Variants in CACNA1A observed in about 807,000 individuals in gnomAD.
CACNA1A encodes voltage-dependent P/Q-type calcium channel subunit alpha-1A.
CACNA1A carries 57 observed loss-of-function variants against 262.4 expected under a neutral mutation model. The observed-to-expected ratio is 0.22, with a 90% confidence interval of 0.18 to 0.27. The LOEUF (loss-of-function observed/expected upper bound fraction) is 0.27. CACNA1A is among the 10% of genes least tolerant of loss of function. CACNA1A has a pLI of 1.00. For missense variants in CACNA1A, 2,526 were observed against 3,562.8 expected, an observed-to-expected ratio of 0.71 and a Z score of 7.41; for synonymous variants, 1,431 against 1,419.3, an observed-to-expected ratio of 1.01 and a Z score of -0.18.
chr19:13,365,296 C>T, intron 5 of CACNA1A, 21 bp downstream of exon 5: 1 of 1,593,554 alleles, frequency 6.3e-7, no homozygotes, highest in Non-Finnish European at 8.6e-7. Context: ...TGGAAAGATG[C>T]ATCATGCTCC....
intron 3 of CACNA1A, among the ~76,000 whole-genome samples, chr19:13,446,002 C>T (rs867275654): frequency 2.6e-5 from 4 of 152,144 alleles, no homozygotes; most frequent in South Asian, 2.1e-4. Context: ...AGGCCGGGCA[C>T]GGTGGCTCAT....
chr19:13,209,061 G>A (rs1265616673), intron 45 of CACNA1A, 52 bp from the exon 46 acceptor site: 2 of 1,535,552 alleles, frequency 1.3e-6, no homozygotes, highest in East Asian at 2.4e-5. Context: ...AGGGAGAGGT[G>A]GGGCAGATGC....
At chr19:13,358,265 T>C (rs1001885225) in intron 6 of CACNA1A, among the ~76,000 whole-genome samples, 1 of 152,046 alleles carries the variant, frequency 6.6e-6, no homozygotes, top group Admixed American at 6.5e-5. Flanking sequence ...GCTATGCAGC[T>C]GTGCAAAAGA....
At chr19:13,306,988 G>T (rs1449587280) in intron 15 of CACNA1A, among the ~76,000 whole-genome samples, 1 of 151,852 alleles carries the variant, frequency 6.6e-6, no homozygotes, top group Non-Finnish European at 1.5e-5. Flanking sequence ...TTTGAGACAG[G>T]GCTTTGCTCT....
chr19:13,268,434 AT>A (rs5827184), intron 24 of CACNA1A, among the ~76,000 whole-genome samples: 80,156 of 135,890 alleles, frequency 0.59, 22,501 homozygotes, highest in Admixed American at 0.65. Context: ...GAAGTTAGTG[AT>A]TTTTTTTTTT....
intron 5 of CACNA1A, among the ~76,000 whole-genome samples, chr19:13,361,790 A>G (rs537284986): frequency 6.6e-6 from 1 of 152,338 alleles, no homozygotes; most frequent in South Asian, 2.1e-4. Context: ...TTGGAAGGCA[A>G]AAATCTTTTA....
At chr19:13,286,133 T>C (rs571553284) in intron 20 of CACNA1A, among the ~76,000 whole-genome samples, 1 of 152,100 alleles carries the variant, frequency 6.6e-6, no homozygotes, top group South Asian at 2.1e-4. Flanking sequence ...GACATTTGCA[T>C]GTGGCCTGTG....
chr19:13,464,145 T>C (rs541859312), intron 1 of CACNA1A, among the ~76,000 whole-genome samples: 1 of 152,274 alleles, frequency 6.6e-6, no homozygotes, highest in Admixed American at 6.5e-5. Context: ...TCTCAGCCCT[T>C]TGGGAGGCCA....
Position 13,266,521 on chromosome 19 carries a change from T to G in CACNA1A, c.3990-3688A>C, listed in dbSNP as rs897745198. Reference sequence around the variant, plus strand: ...AGCATGTCTCCATGGGCATTCTGCATCTCCTCATCTGAAAACGATTCCATG... The same window carrying G: ...AGCATGTCTCCATGGGCATTCTGCAGCTCCTCATCTGAAAACGATTCCATG... On this transcript the variant is annotated intron_variant, in intron 24 of 46. Coordinates refer to ENST00000360228, the MANE Select transcript of CACNA1A (RefSeq NM_001127222.2). Among the ~76,000 whole-genome samples the G allele has an allele frequency of 1.2e-4, 19 of 152,196 alleles. 1 individual carries two copies. The highest frequency in any genetic ancestry group is 1.0e-3 in the Admixed American group (16 of 15,282).
At chr19:13,425,902 A>G (rs917607985) in intron 3 of CACNA1A, among the ~76,000 whole-genome samples, 1 of 152,042 alleles carries the variant, frequency 6.6e-6, no homozygotes, top group African/African-American at 2.4e-5. Flanking sequence ...CTAAAAATAC[A>G]AAAAAATTAG....
At chr19:13,349,897 C>T (rs2058875339) in intron 6 of CACNA1A, among the ~76,000 whole-genome samples, 1 of 152,170 alleles carries the variant, frequency 6.6e-6, no homozygotes, top group Admixed American at 6.5e-5. Context: ...CTTGATTCCA[C>T]AAGGCTACCC....
At chr19:13,408,628 T>C (rs1028018950) in intron 3 of CACNA1A, among the ~76,000 whole-genome samples, 3 of 152,208 alleles carry the variant, frequency 2.0e-5, no homozygotes, top group African/African-American at 7.2e-5. Context: ...GGTCTACCCA[T>C]TGCAATCATT....
chr19:13,497,403 G>A (rs183126171), intron 1 of CACNA1A, among the ~76,000 whole-genome samples: 12 of 138,352 alleles, frequency 8.7e-5, no homozygotes, highest in Admixed American at 5.3e-4. Flanking sequence ...CCATCGTCCT[G>A]CTTGAACCCG....
chr19:13,483,352 T>C (rs897284078), intron 1 of CACNA1A, among the ~76,000 whole-genome samples: 1 of 152,138 alleles, frequency 6.6e-6, no homozygotes, highest in Non-Finnish European at 1.5e-5. Flanking sequence ...GGTTGCTTGT[T>C]ACAGCAGCAA....
intron 3 of CACNA1A, among the ~76,000 whole-genome samples, chr19:13,414,819 C>T (rs983762482): frequency 2.0e-5 from 3 of 151,912 alleles, no homozygotes; most frequent in Non-Finnish European, 2.9e-5. Flanking sequence ...AAAATTTGCC[C>T]GGGTGTGGTG....
chr19:13,503,390 T>A (rs970753063), intron 1 of CACNA1A, among the ~76,000 whole-genome samples: 4 of 152,128 alleles, frequency 2.6e-5, no homozygotes, highest in Non-Finnish European at 4.4e-5. Context: ...TCTGAATATA[T>A]GTACTTGCCT....
Position 13,207,289 on chromosome 19 carries a change from G to A in CACNA1A, c.*24C>T. The A allele has an allele frequency of 6.5e-7, 1 of 1,533,090 alleles. No homozygotes were observed. The highest frequency in any genetic ancestry group is 8.7e-7 in the Non-Finnish European group (1 of 1,146,402). 95.0% of individuals were successfully genotyped at this position (1,533,090 alleles called of 1,614,324 possible). A position where few individuals can be genotyped will look rare whatever the true frequency, so the allele number is the denominator to read the frequency against. On this transcript the variant is annotated 3_prime_UTR_variant, in exon 47 of 47. Coordinates refer to ENST00000360228, the MANE Select transcript of CACNA1A (RefSeq NM_001127222.2). This position sits in a 1 kb window ranked among gnomAD's most constrained non-coding sequence, Gnocchi z 5.7. Reference sequence around the variant, plus strand: ...GTGTGCGTGGGGTGCGTGGGGGGCCGGGCGGGCGCCACCTCGCCCGGGCTT... The same window carrying A: ...GTGTGCGTGGGGTGCGTGGGGGGCCAGGCGGGCGCCACCTCGCCCGGGCTT...
intron 24 of CACNA1A, chr19:13,275,633 G>A (rs2057127295): frequency 3.5e-6 from 2 of 573,906 alleles, no homozygotes; most frequent in East Asian, 3.1e-5. Context: ...GGAGGTAGAA[G>A]GTTGGCAGGA....
rs1417689500 is a variant in CACNA1A at position 13,257,558 on chromosome 19, G to A, written c.4389-7C>T. ...CACCGAATGCTTGAGGACCCTGCAAGGAATGGGGCAGGGAGAGGGAAGGGG... is the reference window on the plus strand; with the variant it reads ...CACCGAATGCTTGAGGACCCTGCAAAGAATGGGGCAGGGAGAGGGAAGGGG... On this transcript the variant is annotated splice_polypyrimidine_tract_variant and splice_region_variant and intron_variant, in intron 27 of 46. Transcript: ENST00000360228. 3 of 1,564,390 alleles carry A rather than the reference G, an allele frequency of 1.9e-6. No individual in the cohort carries two copies. Among genetic ancestry groups the A allele is most frequent in the African/African-American group, 1.4e-5 (1 of 73,668 alleles).
Sources: gnomAD v4.1 joint callset for allele counts (sites outside exome capture counted in the v4.1 genomes callset) on GRCh38, gnomAD v4.1.1 for gene constraint, Gnocchi (gnomAD v3.1) non-coding constraint, MANE v1.5 for transcripts, NCBI Gene and HGNC (gene_info 2026-07-23, HGNC 2026-07-21) for gene names.